DNAH7: variants seen among roughly 807,000 people sequenced by gnomAD.
DNAH7 encodes the protein axonemal beta dynein heavy chain 7.
Under a neutral mutation model 444.6 loss-of-function variants are expected in DNAH7, and 397 were observed. The observed-to-expected ratio is 0.89, with a 90% CI of 0.82 to 0.97. The LOEUF (loss-of-function observed/expected upper bound fraction) is 0.97, where lower values mean the gene tolerates loss of function less well. DNAH7 is among the 50% of genes least tolerant of loss of function. DNAH7 has a pLI of 0.00. For synonymous variants in DNAH7, 1,636 were observed against 1,624.4 expected, an observed-to-expected ratio of 1.01 and a Z score of -0.17; for missense variants, 4,902 against 4,800.8, an observed-to-expected ratio of 1.02 and a Z score of -0.62.
chr2:195,993,402 AATAC>A (rs760314199), intron 12 of DNAH7, among the ~76,000 whole-genome samples: 68 of 152,314 alleles, frequency 4.5e-4, no homozygotes, highest in Non-Finnish European at 7.2e-4. Context: ...ATGTCACAGG[AATAC>A]ATAAATGGCA....
Position 196,047,500 on chromosome 2 carries a change from C to T in DNAH7, c.251-1G>A. ...TTTCCAAAACGTTCCATGTATTCAG[C>T]TTAAATTAAAACAAAAAAAAAAGCA... is the stretch of plus-strand genomic sequence containing the variant. On this transcript the variant is annotated splice_acceptor_variant, in intron 4 of 64. Transcript: ENST00000312428. LOFTEE classifies it high-confidence loss of function. 6.5e-7 allele frequency: 1 copy of T among 1,544,496 alleles called. No individual in the cohort carries two copies. Among genetic ancestry groups the T allele is most frequent in the South Asian group, 1.3e-5 (1 of 76,658 alleles).
intron 38 of DNAH7, 57 bp downstream of exon 38, chr2:195,875,618 T>C: frequency 6.7e-7 from 1 of 1,481,550 alleles, no homozygotes; most frequent in Non-Finnish European, 9.1e-7. Flanking sequence ...AGTTATTTCT[T>C]TAGCTATTGC....
At chr2:195,973,714 C>T (rs1691999395) in intron 15 of DNAH7, among the ~76,000 whole-genome samples, 2 of 152,186 alleles carry the variant, frequency 1.3e-5, no homozygotes, top group East Asian at 1.9e-4. Context: ...TCAGGTGATC[C>T]GCCCACCTCA....
intron 1 of DNAH7, among the ~76,000 whole-genome samples, chr2:196,064,210 G>C (rs890374922): frequency 1.3e-5 from 2 of 151,880 alleles, no homozygotes; most frequent in African/African-American, 4.8e-5. Flanking sequence ...AGCTACTCAG[G>C]AGGCTGAGGC....
At chr2:195,892,474 T>C (rs983215291) in intron 30 of DNAH7, 1 of 141,852 alleles carries the variant, frequency 7.0e-6, no homozygotes, top group Non-Finnish European at 1.5e-5. Context: ...CCTTTGGACA[T>C]AATCTTTTTT....
chr2:195,992,339 G>C (rs879657436), intron 12 of DNAH7, among the ~76,000 whole-genome samples: 1 of 152,204 alleles, frequency 6.6e-6, no homozygotes, highest in Non-Finnish European at 1.5e-5. Flanking sequence ...ACAGGTGGAA[G>C]CTGAAGAAGA....
chr2:195,744,036 T>C (rs1693217562), intron 63 of DNAH7, among the ~76,000 whole-genome samples: 1 of 152,202 alleles, frequency 6.6e-6, no homozygotes, highest in Non-Finnish European at 1.5e-5. Context: ...CAGCGCACCA[T>C]GCGCCACCCG....
chr2:195,796,479 CT>C, intron 56 of DNAH7, 96 bp downstream of exon 56: 1 of 1,396,502 alleles, frequency 7.2e-7, no homozygotes, highest in Non-Finnish European at 9.8e-7. Context: ...ACCTGCAACG[CT>C]CCAAATTAGA....
chr2:195,847,042 A>C (rs962891671), intron 46 of DNAH7, among the ~76,000 whole-genome samples: 2 of 144,044 alleles, frequency 1.4e-5, no homozygotes, highest in African/African-American at 5.4e-5. Context: ...AGTAGTTAAT[A>C]CTACTTTATA....
chr2:195,808,667 A>C lies in DNAH7; in HGVS notation c.10083+15T>G, dbSNP rs746133595. 8 of 1,609,470 alleles carry C rather than the reference A, an allele frequency of 5.0e-6. No homozygotes were observed. Among genetic ancestry groups the C allele is most frequent in the Admixed American group, 1.7e-5 (1 of 58,958 alleles). On this transcript the variant is annotated intron_variant, in intron 53 of 64. Coordinates refer to ENST00000312428, the MANE Select transcript of DNAH7 (RefSeq NM_018897.3). ...ATTTAAAAACATTGGAATAAGTGAG[A>C]GGGTTAAAACATACCAAACTATCAT...
chr2:195,817,544 G>A lies in DNAH7; in HGVS notation c.9425+152C>T, dbSNP rs1011331751. ...ACTCAGTAACGCAGTTTTCTAAATT[G>A]ACATAGAGGTATAATTCCTTACATT... is the stretch of plus-strand genomic sequence containing the variant. On this transcript the variant is annotated intron_variant, in intron 50 of 64. Coordinates refer to ENST00000312428, the MANE Select transcript of DNAH7 (RefSeq NM_018897.3). 15 of 796,752 alleles carry A rather than the reference G, an allele frequency of 1.9e-5. No individual in the cohort carries two copies. In the Admixed American group the frequency reaches 4.7e-4, roughly 25 times the overall value. 49.4% of individuals were successfully genotyped at this position (796,752 alleles called of 1,614,324 possible). A position where few individuals can be genotyped will look rare whatever the true frequency, so the allele number is the denominator to read the frequency against.
At chr2:195,769,780 C>T (rs531250207) in intron 61 of DNAH7, among the ~76,000 whole-genome samples, 6 of 151,978 alleles carry the variant, frequency 3.9e-5, no homozygotes, top group South Asian at 2.1e-4. Context: ...TGCTTGCCAC[C>T]GAAAAATGCT....
At position 195,900,204 on chromosome 2, in the gene DNAH7, T is replaced by C. The variant is rs116459386; in HGVS notation, c.4548+78A>G. On this transcript the variant is annotated intron_variant, in intron 28 of 64. Transcript: ENST00000312428. ...ATCAATTAAGGAAACCAACAAGTTA[T>C]TGGAATTCTCTGAAGACCCATTAGG... The C allele has an allele frequency of 3.3e-3, 4,820 of 1,445,420 alleles. 124 individuals carry two copies. In the African/African-American group the frequency reaches 0.058, roughly 17 times the overall value. 89.5% of individuals were successfully genotyped at this position (1,445,420 alleles called of 1,614,324 possible).
intron 5 of DNAH7, among the ~76,000 whole-genome samples, chr2:196,039,256 C>G (rs139248280): frequency 9.4e-4 from 143 of 152,120 alleles, no homozygotes; most frequent in Non-Finnish European, 1.7e-3. Flanking sequence ...CAAGCAACCA[C>G]TGGATCAATG....
intron 40 of DNAH7, among the ~76,000 whole-genome samples, chr2:195,867,050 C>A (rs1046223035): frequency 6.6e-6 from 1 of 152,166 alleles, no homozygotes; most frequent in Admixed American, 6.5e-5. Context: ...GTCCAATAAA[C>A]CTCTTTCTTT....
chr2:195,765,687 G>A (rs894465275), intron 61 of DNAH7, among the ~76,000 whole-genome samples: 7 of 152,024 alleles, frequency 4.6e-5, no homozygotes, highest in Non-Finnish European at 7.4e-5. Flanking sequence ...ATATCATCTC[G>A]CCCTAGTTAA....
chr2:195,809,798 T>C lies in DNAH7; in HGVS notation c.9835A>G (p.Lys3279Glu). ...NVCRSLFEKD[K>E]LLFSFCLTIN... The stretch of plus-strand genomic sequence containing the variant: ...GTTAGACAAAAGGAAAAGAGCAGCT[T>C]ATCCTTTTCAAAGAGTGACCGGCAG... Residue 3279 changes from lysine to glutamate, a missense_variant, in exon 52 of 65, where the codon AAG becomes GAG. Lys to Glu is a moderately conservative substitution (Grantham distance 56). Transcript: ENST00000312428. 1 of 1,601,338 alleles carries C rather than the reference T, an allele frequency of 6.2e-7. No homozygotes were observed. Among genetic ancestry groups the C allele is most frequent in the Non-Finnish European group, 8.5e-7 (1 of 1,173,140 alleles).
chr2:195,794,340 GC>G lies in DNAH7; in HGVS notation c.10713del (p.Lys3571AsnfsTer28). On this transcript the variant is annotated frameshift_variant, in exon 57 of 65. Transcript: ENST00000312428. LOFTEE classifies it high-confidence loss of function. ...SDPEFFGSCK[K>X]PEEFKKLLYG... ...AACAAGACTTAACCATTACTAACAG[GC>G]TTTTTGCAGCTGCCAAAGAACTCCG... is the stretch of plus-strand genomic sequence containing the variant. The G allele has an allele frequency of 6.2e-7, 1 of 1,614,060 alleles. No individual in the cohort carries two copies. The highest frequency in any genetic ancestry group is 1.3e-5 in the African/African-American group (1 of 75,008).
chr2:195,940,278 A>G (rs1574832654), intron 19 of DNAH7, among the ~76,000 whole-genome samples: 1 of 152,042 alleles, frequency 6.6e-6, no homozygotes, highest in Non-Finnish European at 1.5e-5. Context: ...TGGGAAAAAA[A>G]TCCCTATTTA....
Sources: gnomAD v4.1 joint callset for allele counts (sites outside exome capture counted in the v4.1 genomes callset) on GRCh38, gnomAD v4.1.1 for gene constraint, MANE v1.5 for transcripts, NCBI Gene and HGNC (gene_info 2026-07-23, HGNC 2026-07-21) for gene names.